The following ACAD11 variants were observed in gnomAD, a reference collection of about 807,000 sequenced individuals.
ACAD11 encodes acyl-CoA dehydrogenase family member 11.
In ACAD11, 83 loss-of-function variants were observed where a neutral mutation model predicts 102.2. The ratio of observed to expected loss-of-function variants is 0.81; its 90% confidence interval spans 0.68 to 0.97. The LOEUF is 0.97. Among genes scored for constraint, ACAD11 ranks in the 50% least tolerant of loss-of-function variants. The pLI, the probability that ACAD11 is intolerant of heterozygous loss-of-function variation, is 0.00. For synonymous variants in ACAD11, 324 were observed against 319.8 expected, an observed-to-expected ratio of 1.01 and a Z score of -0.14; for missense variants, 901 against 951.7, an observed-to-expected ratio of 0.95 and a Z score of 0.70.
Position 132,619,546 on chromosome 3 carries a change from C to T in ACAD11, c.1198-1G>A. 6.4e-7 allele frequency: 1 copy of T among 1,563,822 alleles called. No individual in the cohort carries two copies. Among genetic ancestry groups the T allele is most frequent in the South Asian group, 1.2e-5 (1 of 82,468 alleles). ...TTTGAACATAGAACTCAGTTACCTC[C>T]TTAAAGTAATAAAAGAAAAAAATTT... On this transcript the variant is annotated splice_acceptor_variant, in intron 9 of 19. Transcript: ENST00000264990. LOFTEE classifies it high-confidence loss of function.
intron 13 of ACAD11, chr3:132,602,186 A>C (rs1938637361): frequency 6.0e-6 from 1 of 166,524 alleles, no homozygotes; most frequent in South Asian, 2.1e-4. Flanking sequence ...TCCTCCAAAA[A>C]AGCAATAAAA....
chr3:132,612,859 A>G (rs1939217110), intron 11 of ACAD11, among the ~76,000 whole-genome samples: 1 of 152,068 alleles, frequency 6.6e-6, no homozygotes, highest in Admixed American at 6.5e-5. Context: ...CATTTGACCC[A>G]GCCATCCCAT....
chr3:132,606,381 T>C (rs1363514340), intron 11 of ACAD11, among the ~76,000 whole-genome samples: 1 of 152,236 alleles, frequency 6.6e-6, no homozygotes. Context: ...ATTGTTTGTT[T>C]TCTTTGCCTG....
intron 17 of ACAD11, among the ~76,000 whole-genome samples, chr3:132,570,341 A>G (rs1937338422): frequency 6.6e-6 from 1 of 152,172 alleles, no homozygotes; most frequent in Non-Finnish European, 1.5e-5. Context: ...TCCAATTCTA[A>G]ACACAGAATT....
chr3:132,607,996 C>A (rs976610637), intron 11 of ACAD11, among the ~76,000 whole-genome samples: 1 of 152,158 alleles, frequency 6.6e-6, no homozygotes, highest in African/African-American at 2.4e-5. Context: ...AAATTTCCAA[C>A]CCAGAATTTC....
chr3:132,628,644 C>T (rs1435072479), intron 7 of ACAD11, among the ~76,000 whole-genome samples, 198 bp from the exon 8 acceptor site: 2 of 152,156 alleles, frequency 1.3e-5, no homozygotes, highest in Non-Finnish European at 2.9e-5. Flanking sequence ...ATACAGTTCA[C>T]ATACTCTCAT....
intron 13 of ACAD11, among the ~76,000 whole-genome samples, chr3:132,590,965 T>G (rs1320181192): frequency 2.0e-5 from 3 of 152,248 alleles, no homozygotes; most frequent in Non-Finnish European, 4.4e-5. Flanking sequence ...GTCTGCTCAC[T>G]CTGCTGATAG....
chr3:132,584,502 A>ACTCTTT (rs1354050673), intron 13 of ACAD11, among the ~76,000 whole-genome samples: 1 of 151,734 alleles, frequency 6.6e-6, no homozygotes, highest in Non-Finnish European at 1.5e-5. Flanking sequence ...ATGGGTCTTG[A>ACTCTTT]CTCTTTTTCC....
intron 5 of ACAD11, among the ~76,000 whole-genome samples, chr3:132,637,503 G>A (rs528768124): frequency 7.0e-4 from 106 of 152,198 alleles, no homozygotes; most frequent in Non-Finnish European, 1.4e-3. Flanking sequence ...TCAAAAATAA[G>A]GGGTTTCAAT....
At chr3:132,566,163 TA>T (rs774989175) in intron 17 of ACAD11, among the ~76,000 whole-genome samples, 36 of 151,096 alleles carry the variant, frequency 2.4e-4, no homozygotes, top group Non-Finnish European at 4.1e-4. Context: ...AAGTAAAAAA[TA>T]TAACAGTTCA....
chr3:132,634,211 A>G (rs970501360), intron 5 of ACAD11, among the ~76,000 whole-genome samples: 2 of 152,218 alleles, frequency 1.3e-5, no homozygotes, highest in Non-Finnish European at 2.9e-5. Flanking sequence ...ATTTACAAGA[A>G]AAAAACAAAC....
intron 17 of ACAD11, among the ~76,000 whole-genome samples, chr3:132,562,826 T>G (rs990263718): frequency 6.6e-6 from 1 of 152,220 alleles, no homozygotes; most frequent in East Asian, 1.9e-4. Context: ...ACGCTAGTCA[T>G]TTGCCACATG....
At chr3:132,638,372 T>C (rs190542046) in intron 5 of ACAD11, among the ~76,000 whole-genome samples, 98 of 152,174 alleles carry the variant, frequency 6.4e-4, no homozygotes, top group Non-Finnish European at 9.9e-4. Flanking sequence ...CTCTAATTAT[T>C]TCAAAACAAA....
chr3:132,596,065 T>C (rs1018379938), intron 13 of ACAD11, among the ~76,000 whole-genome samples: 1 of 151,964 alleles, frequency 6.6e-6, no homozygotes, highest in Non-Finnish European at 1.5e-5. Context: ...ACAAAGAAAA[T>C]GTGGTACATA....
chr3:132,575,724 G>A, intron 17 of ACAD11, 48 bp downstream of exon 17: 1 of 1,605,778 alleles, frequency 6.2e-7, no homozygotes, highest in Non-Finnish European at 8.5e-7. Context: ...TTCAATGTTA[G>A]TGTAGTGCAC....
intron 6 of ACAD11, among the ~76,000 whole-genome samples, chr3:132,631,051 A>G (rs1392687168): frequency 6.6e-6 from 1 of 152,216 alleles, no homozygotes; most frequent in Non-Finnish European, 1.5e-5. Flanking sequence ...AGCCCGGGTG[A>G]CAGAGCAAGA....
intron 16 of ACAD11, 147 bp from the exon 17 acceptor site, chr3:132,576,073 A>G (rs1937519790): frequency 3.7e-6 from 3 of 817,160 alleles, no homozygotes; most frequent in African/African-American, 3.5e-5. Flanking sequence ...AATAAGGTTC[A>G]CTATGAATTC....
intron 12 of ACAD11, among the ~76,000 whole-genome samples, chr3:132,603,876 G>C (rs1576581598): frequency 6.6e-6 from 1 of 152,196 alleles, no homozygotes; most frequent in Non-Finnish European, 1.5e-5. Flanking sequence ...CTTCAGAACT[G>C]TCTAGCTCTC....
At chr3:132,655,795 T>C (rs559163283) in intron 1 of ACAD11, among the ~76,000 whole-genome samples, 1 of 152,248 alleles carries the variant, frequency 6.6e-6, no homozygotes, top group Non-Finnish European at 1.5e-5. Flanking sequence ...CAGTGCCAGA[T>C]ACATATTAGG....
Sources: allele counts gnomAD v4.1 joint callset (sites outside exome capture counted in the v4.1 genomes callset), GRCh38; gene constraint gnomAD v4.1.1; transcripts MANE v1.5; gene names NCBI Gene and HGNC (gene_info 2026-07-23, HGNC 2026-07-21).